Variants in ARHGAP15 observed in about 807,000 individuals in gnomAD.
ARHGAP15 encodes the protein Rho GTPase activating protein 15.
A neutral mutation model predicts 63.7 loss-of-function variants in ARHGAP15; 51 were observed. The observed-to-expected ratio is 0.80, with a 90% confidence interval of 0.64 to 1.01. ARHGAP15 has a LOEUF of 1.01. ARHGAP15 is among the 50% of genes least tolerant of loss of function. The pLI, the probability that ARHGAP15 is intolerant of heterozygous loss-of-function variation, is 0.00. For synonymous variants in ARHGAP15, 191 were observed against 193.8 expected, an observed-to-expected ratio of 0.99 and a Z score of 0.12; for missense variants, 560 against 564.6, an observed-to-expected ratio of 0.99 and a Z score of 0.08.
intron 1 of ARHGAP15, among the ~76,000 whole-genome samples, chr2:143,132,757 A>T (rs1347775631): frequency 6.6e-6 from 1 of 152,250 alleles, no homozygotes; most frequent in Non-Finnish European, 1.5e-5. Flanking sequence ...TCTACTACGG[A>T]GTCACGTATG....
At chr2:143,601,946 G>A (rs921361684) in intron 11 of ARHGAP15, among the ~76,000 whole-genome samples, 42 of 152,142 alleles carry the variant, frequency 2.8e-4, no homozygotes, top group Admixed American at 8.5e-4. Flanking sequence ...ACATAAAACA[G>A]TAAGGCATTC....
At chr2:143,362,955 A>C (rs1294141226) in intron 6 of ARHGAP15, among the ~76,000 whole-genome samples, 1 of 152,102 alleles carries the variant, frequency 6.6e-6, no homozygotes, top group Non-Finnish European at 1.5e-5. Context: ...TAACTCTCCT[A>C]TCCTACCTTT....
chr2:143,424,281 A>G (rs886128929), intron 6 of ARHGAP15, among the ~76,000 whole-genome samples: 9 of 152,106 alleles, frequency 5.9e-5, no homozygotes, highest in Non-Finnish European at 1.3e-4. Flanking sequence ...ATGGATTGTA[A>G]CTATACCATC....
chr2:143,685,688 G>A (rs892553537), intron 12 of ARHGAP15, among the ~76,000 whole-genome samples: 2 of 152,112 alleles, frequency 1.3e-5, no homozygotes, highest in Non-Finnish European at 2.9e-5. Flanking sequence ...AATGCTTCCC[G>A]TCAAGCCATT....
intron 12 of ARHGAP15, among the ~76,000 whole-genome samples, chr2:143,664,419 T>C (rs1427919542): frequency 4.0e-5 from 6 of 151,080 alleles, no homozygotes; most frequent in Admixed American, 6.6e-5. Flanking sequence ...TTCAAAGCAG[T>C]GTGTAGAGGG....
chr2:143,200,034 C>G (rs1408104216), intron 2 of ARHGAP15, among the ~76,000 whole-genome samples: 1 of 152,140 alleles, frequency 6.6e-6, no homozygotes, highest in Non-Finnish European at 1.5e-5. Flanking sequence ...AAAAACCTTT[C>G]TCATTTGTCA....
intron 6 of ARHGAP15, among the ~76,000 whole-genome samples, chr2:143,361,129 T>G (rs1686033657): frequency 6.6e-6 from 1 of 151,908 alleles, no homozygotes; most frequent in Non-Finnish European, 1.5e-5. Context: ...CTATAGACAC[T>G]AGGGAGAAAG....
At chr2:143,178,487 A>C (rs1691096525) in intron 2 of ARHGAP15, among the ~76,000 whole-genome samples, 1 of 152,204 alleles carries the variant, frequency 6.6e-6, no homozygotes, top group African/African-American at 2.4e-5. Context: ...TGACATATAA[A>C]TGTTCATGAT....
intron 1 of ARHGAP15, among the ~76,000 whole-genome samples, chr2:143,152,415 C>T (rs1445872640): frequency 1.3e-5 from 2 of 152,004 alleles, no homozygotes; most frequent in Admixed American, 6.6e-5. Flanking sequence ...TCTCTCTCCA[C>T]CTCCCACTTC....
intron 5 of ARHGAP15, among the ~76,000 whole-genome samples, chr2:143,229,306 AC>A (rs1159258888): frequency 6.6e-6 from 1 of 152,146 alleles, no homozygotes; most frequent in African/African-American, 2.4e-5. Flanking sequence ...TATCCAGCTA[AC>A]CTTTTTGAAT....
intron 6 of ARHGAP15, among the ~76,000 whole-genome samples, chr2:143,269,675 ATG>A (rs1422651916): frequency 6.9e-6 from 1 of 144,830 alleles, no homozygotes; most frequent in African/African-American, 2.6e-5. Context: ...TAAGTTATAA[ATG>A]TGTTAGTTTT....
In ARHGAP15 at chr2:143,739,422, G is replaced by A. The variant is rs759460672; in HGVS notation, c.1245-28567G>A. Among the ~76,000 whole-genome samples, 24 of 152,220 alleles carry A rather than the reference G, an allele frequency of 1.6e-4. No individual in the cohort carries two copies. In the South Asian group the frequency reaches 4.2e-3, roughly 26 times the overall value. On this transcript the variant is annotated intron_variant, in intron 13 of 13. Transcript: ENST00000295095. The stretch of plus-strand genomic sequence containing the variant: ...TGCTGCATCCTGAAATCACAATCCT[G>A]TGAGCTGGCAAGGTCCATAGGCTCT...
chr2:143,338,020 C>T (rs1267441710), intron 6 of ARHGAP15, among the ~76,000 whole-genome samples: 1 of 152,096 alleles, frequency 6.6e-6, no homozygotes, highest in East Asian at 1.9e-4. Context: ...TGTCTAGTAA[C>T]AATAATAAAC....
intron 2 of ARHGAP15, among the ~76,000 whole-genome samples, chr2:143,181,038 A>G (rs1451145906): frequency 6.6e-6 from 1 of 152,222 alleles, no homozygotes; most frequent in Non-Finnish European, 1.5e-5. Flanking sequence ...GAGCTGCAGA[A>G]TGGATGTTAG....
At chr2:143,314,437 T>C (rs1374785420) in intron 6 of ARHGAP15, 7 of 152,216 alleles carry the variant, frequency 4.6e-5, no homozygotes, top group African/African-American at 1.4e-4. Context: ...AAGGCCTCCA[T>C]GATGATTGTC....
At chr2:143,425,215 T>C (rs1464277107) in intron 6 of ARHGAP15, among the ~76,000 whole-genome samples, 1 of 152,116 alleles carries the variant, frequency 6.6e-6, no homozygotes, top group Non-Finnish European at 1.5e-5. Flanking sequence ...TCATTCCAGA[T>C]GTCTCCTTAT....
chr2:143,366,634 C>A (rs1177550778), intron 6 of ARHGAP15, among the ~76,000 whole-genome samples: 1 of 151,952 alleles, frequency 6.6e-6, no homozygotes. Context: ...GCCTTCTAGA[C>A]TAATTCTATA....
rs574148123 is a variant in ARHGAP15, at chr2:143,340,674, C to T, written c.474+90074C>T. 1.5e-4 allele frequency among the ~76,000 whole-genome samples: 23 copies of T among 152,058 alleles called. No homozygotes were observed. The South Asian group carries it at 3.3e-3, about 22-fold the overall frequency. On this transcript the variant is annotated intron_variant, in intron 6 of 13. Transcript: ENST00000295095. ...AGGGTGTCATTAAGAGCAGAGATTG[C>T]CGGAATGCTGATTCTCATAACAAAG... is the stretch of plus-strand genomic sequence containing the variant.
chr2:143,243,039 AACC>A (rs1693920546), intron 5 of ARHGAP15, among the ~76,000 whole-genome samples: 1 of 152,196 alleles, frequency 6.6e-6, no homozygotes, highest in Admixed American at 6.5e-5. Flanking sequence ...TCTCTTTTTG[AACC>A]ACATCTAGTA....
Sources: allele counts gnomAD v4.1 joint callset (sites outside exome capture counted in the v4.1 genomes callset), GRCh38; gene constraint gnomAD v4.1.1; transcripts MANE v1.5; gene names NCBI Gene and HGNC (gene_info 2026-07-23, HGNC 2026-07-21).